Variants in COL22A1 observed in about 807,000 individuals in gnomAD.
COL22A1 encodes collagen type XXII alpha 1 chain, also known as collagen alpha-1(XXII) chain.
Under a neutral mutation model 248.9 loss-of-function variants are expected in COL22A1, and 221 were observed. The ratio of observed to expected loss-of-function variants is 0.89; its 90% CI spans 0.80 to 0.99. The LOEUF (loss-of-function observed/expected upper bound fraction) is 0.99, where lower values mean the gene tolerates loss of function less well. COL22A1 is among the 50% of genes least tolerant of loss of function. The pLI, the probability that COL22A1 is intolerant of heterozygous loss-of-function variation, is 0.00. For synonymous variants in COL22A1, 891 were observed against 793.4 expected (o/e 1.12, Z -2.07); for missense variants, 2,240 against 2,179.0 (o/e 1.03, Z -0.56).
chr8:138,614,498 T>C (rs1055799363), intron 55 of COL22A1, among the ~76,000 whole-genome samples: 1 of 152,144 alleles, frequency 6.6e-6, no homozygotes, highest in Non-Finnish European at 1.5e-5. Flanking sequence ...ATTTTTAAAA[T>C]AAAAGTCAAA....
chr8:138,913,267 T>G (rs558170437), intron 1 of COL22A1, among the ~76,000 whole-genome samples: 2 of 152,072 alleles, frequency 1.3e-5, no homozygotes, highest in Admixed American at 1.3e-4. Flanking sequence ...CTCAACTACT[T>G]TAAAGTATTA....
rs778350816 is a variant in COL22A1, at chr8:138,594,053, C to A, written c.4579G>T (p.Gly1527Cys). 12 of 1,587,574 alleles carry A rather than the reference C, an allele frequency of 7.6e-6. No individual in the cohort carries two copies. In the South Asian group the frequency reaches 1.0e-4, roughly 14 times the overall value. ...ATGGGTCCAGAGGGTCCTTCCAGAC[C>A]CCCCTGCCCAGGACGACCTGGCTCC... The part of the protein sequence containing the change: ...MGEPGRPGQG[G>C]LEGPSGPIGP... The change falls in exon 63 of 65, where the codon GGT becomes TGT. Residue 1527 changes from glycine to cysteine, a missense_variant. Physicochemically the swap from Gly to Cys is radical, Grantham distance 159. Transcript: ENST00000303045.
At chr8:138,692,603 T>C (rs1053769500) in intron 35 of COL22A1, among the ~76,000 whole-genome samples, 1 of 151,872 alleles carries the variant, frequency 6.6e-6, no homozygotes, top group Non-Finnish European at 1.5e-5. Context: ...GGTGAGGACA[T>C]TCCAGGTGGG....
chr8:138,874,831 G>C (rs1231336773), intron 3 of COL22A1, among the ~76,000 whole-genome samples: 1 of 152,190 alleles, frequency 6.6e-6, no homozygotes, highest in Non-Finnish European at 1.5e-5. Flanking sequence ...CTCTTTGCCT[G>C]TGTGTTGTGG....
intron 47 of COL22A1, among the ~76,000 whole-genome samples, chr8:138,643,671 T>TAGATAGATAGATAGAC (rs1280016510): frequency 2.1e-5 from 3 of 143,352 alleles, no homozygotes; most frequent in African/African-American, 8.7e-5. Context: ...GATAGACAGA[T>TAGATAGATAGATAGAC]AGATTGCATA....
chr8:138,642,993 C>A lies in COL22A1; in HGVS notation c.3501+3636G>T, dbSNP rs180705120. Among the ~76,000 whole-genome samples the A allele has an allele frequency of 4.7e-3, 705 of 150,544 alleles. 6 individuals are homozygous for A. The highest frequency in any genetic ancestry group is 0.015 in the African/African-American group (629 of 40,790). On this transcript the variant is annotated intron_variant, in intron 47 of 64. Transcript: ENST00000303045. ...GCAGTGAGCCGAGATTGCACCACTG[C>A]GCTCCAGCCTGGGCAACAGAGCAAG...
chr8:138,757,550 G>A lies in COL22A1; in HGVS notation c.1903-1721C>T, dbSNP rs1374162400. Among the ~76,000 whole-genome samples, 9 of 152,196 alleles carry A rather than the reference G, an allele frequency of 5.9e-5. No individual in the cohort carries two copies. In the South Asian group the frequency reaches 1.2e-3, roughly 21 times the overall value. ...TAATTACTCTCAACTCACCATATAA[G>A]GGCCAATGTTCCAACAAATTTGGTA... is the stretch of plus-strand genomic sequence containing the variant. On this transcript the variant is annotated intron_variant, in intron 18 of 64. Coordinates refer to ENST00000303045, the MANE Select transcript of COL22A1 (RefSeq NM_152888.3).
intron 18 of COL22A1, 86 bp from the exon 19 acceptor site, chr8:138,755,915 G>T: frequency 2.1e-5 from 24 of 1,155,966 alleles, no homozygotes; most frequent in Non-Finnish European, 3.1e-5. Context: ...ATTCTTGTGG[G>T]CCCAGGGGAC....
At chr8:138,804,801 T>G (rs1817331944) in intron 10 of COL22A1, among the ~76,000 whole-genome samples, 1 of 147,912 alleles carries the variant, frequency 6.8e-6, no homozygotes, top group African/African-American at 2.5e-5. Flanking sequence ...GGTGTGTGTG[T>G]GTGTGATGGG....
chr8:138,834,039 C>T (rs1031948590), intron 4 of COL22A1, among the ~76,000 whole-genome samples: 3 of 152,206 alleles, frequency 2.0e-5, no homozygotes, highest in Non-Finnish European at 2.9e-5. Flanking sequence ...CACCAGCACA[C>T]GCTGTCCACA....
intron 11 of COL22A1, among the ~76,000 whole-genome samples, chr8:138,799,268 TATA>T (rs1278275475): frequency 2.6e-5 from 4 of 152,238 alleles, no homozygotes; most frequent in East Asian, 3.8e-4. Context: ...TGATCATAAT[TATA>T]ATGATTGCTT....
chr8:138,858,337 AT>A (rs945685141), intron 3 of COL22A1, among the ~76,000 whole-genome samples: 3 of 151,884 alleles, frequency 2.0e-5, no homozygotes, highest in Non-Finnish European at 4.4e-5. Context: ...TCCTACTGGA[AT>A]TTTTTTTCTT....
intron 36 of COL22A1, among the ~76,000 whole-genome samples, 191 bp from the exon 37 acceptor site, chr8:138,689,161 G>GA (rs1554749843): frequency 2.1e-5 from 3 of 145,002 alleles, no homozygotes; most frequent in South Asian, 2.1e-4. Flanking sequence ...GCTCTCCCGG[G>GA]GGGGGGGCTG....
At chr8:138,828,383 A>G in intron 5 of COL22A1, among the ~76,000 whole-genome samples, 1 of 152,038 alleles carries the variant, frequency 6.6e-6, no homozygotes, top group East Asian at 1.9e-4. Context: ...TTGCCTCCAG[A>G]TACTACCCAA....
At chr8:138,897,071 T>C (rs1284870528) in intron 1 of COL22A1, among the ~76,000 whole-genome samples, 1 of 152,132 alleles carries the variant, frequency 6.6e-6, no homozygotes, top group African/African-American at 2.4e-5. Context: ...AGCCTTATCA[T>C]TCCATTATCT....
At position 138,720,666 on chromosome 8, in the gene COL22A1, G is replaced by A. The variant is rs147840668; in HGVS notation, c.2355+73C>T. 8.2e-4 allele frequency: 997 copies of A among 1,221,230 alleles called. 35 individuals are homozygous for A. The East Asian group carries it at 0.023, about 28-fold the overall frequency. The allele number at this position is 1,221,230 out of a possible 1,614,324, so 75.6% of individuals were successfully genotyped here. A position where few individuals can be genotyped will look rare whatever the true frequency, so the allele number is the denominator to read the frequency against. On this transcript the variant is annotated intron_variant, in intron 27 of 64. Transcript: ENST00000303045. ...ATAGACGCTATGCTTATGGTAAGTC[G>A]AGATTCACACACCACCCCAAATAGA...
At chr8:138,818,954 C>T (rs759346691) in intron 7 of COL22A1, among the ~76,000 whole-genome samples, 8 of 152,190 alleles carry the variant, frequency 5.3e-5, no homozygotes, top group East Asian at 1.9e-4. Flanking sequence ...GTGACGTGGG[C>T]GATGGTGTTA....
chr8:138,755,587 G>A (rs1832930532), intron 19 of COL22A1, 76 bp from the exon 20 acceptor site: 1 of 1,507,992 alleles, frequency 6.6e-7, no homozygotes, highest in Non-Finnish European at 9.2e-7. Flanking sequence ...GCTGCACTAA[G>A]GCCATTCATT....
intron 62 of COL22A1, 92 bp from the exon 63 acceptor site, chr8:138,594,291 C>A (rs1201298746): frequency 9.2e-7 from 1 of 1,092,102 alleles, no homozygotes; most frequent in African/African-American, 1.7e-5. Context: ...AACCAGGGGG[C>A]CGATAATAGC....
Sources: allele counts gnomAD v4.1 joint callset (sites outside exome capture counted in the v4.1 genomes callset), GRCh38; gene constraint gnomAD v4.1.1; transcripts MANE v1.5; gene names NCBI Gene and HGNC (gene_info 2026-07-23, HGNC 2026-07-21).